MIA2: variants seen among roughly 807,000 people sequenced by gnomAD.
MIA2 encodes the protein melanoma inhibitory activity protein 2.
MIA2 carries 127 observed loss-of-function variants against 167.8 expected under a neutral mutation model. The observed-to-expected ratio is 0.76, with a 90% CI of 0.66 to 0.88. The LOEUF (loss-of-function observed/expected upper bound fraction) is 0.88. Among genes scored for constraint, MIA2 ranks in the 40% least tolerant of loss-of-function variants. The pLI is 0.00. For missense variants in MIA2, 1,690 were observed against 1,624.7 expected (o/e 1.04, Z -0.69); for synonymous variants, 552 against 541.9 (o/e 1.02, Z -0.26).
chr14:39,379,771 A>G (rs2075116646), intron 23 of MIA2, among the ~76,000 whole-genome samples: 1 of 152,170 alleles, frequency 6.6e-6, no homozygotes, highest in South Asian at 2.1e-4. Flanking sequence ...GAATTGCTTG[A>G]TCCTGGGAGG....
In MIA2 at chr14:39,367,407, G is replaced by A. The variant is rs116575224; in HGVS notation, c.2248+18430G>A. On this transcript the variant is annotated intron_variant, in intron 23 of 23. Coordinates refer to the MIA2 transcript ENST00000341502. ...AAATGGTGCTGTGCTGCACAGCTTG[G>A]ATTTCAGGGACTGTGTGTGGTACTC... 9.0e-3 allele frequency among the ~76,000 whole-genome samples: 1,367 copies of A among 152,334 alleles called. 13 individuals carry two copies. Among genetic ancestry groups the A allele is most frequent in the African/African-American group, 0.03 (1,257 of 41,564 alleles).
intron 7 of MIA2, among the ~76,000 whole-genome samples, chr14:39,277,866 A>G (rs2058403965): frequency 7.1e-6 from 1 of 141,448 alleles, no homozygotes; most frequent in South Asian, 2.2e-4. Flanking sequence ...GTGCGCCTAC[A>G]GCCTACAGCC....
intron 23 of MIA2, among the ~76,000 whole-genome samples, chr14:39,366,266 C>T (rs967708591): frequency 1.2e-4 from 19 of 152,030 alleles, no homozygotes; most frequent in African/African-American, 2.4e-4. Flanking sequence ...TGTCCATACA[C>T]GGGTACAGGT....
intron 2 of MIA2, among the ~76,000 whole-genome samples, chr14:39,238,798 A>AAAAAAAAAAAAAAC (rs2053896909): frequency 6.9e-6 from 1 of 144,676 alleles, no homozygotes; most frequent in Non-Finnish European, 1.5e-5. Flanking sequence ...TGTCTCAAAA[A>AAAAAAAAAAAAAAC]AAAAAAAAAA....
At chr14:39,286,532 A>C (rs1282478566) in intron 9 of MIA2, among the ~76,000 whole-genome samples, 3 of 152,012 alleles carry the variant, frequency 2.0e-5, no homozygotes, top group South Asian at 2.1e-4. Flanking sequence ...TTTTGTTTTG[A>C]TATTATATCC....
intron 4 of MIA2, among the ~76,000 whole-genome samples, chr14:39,250,709 CATATAT>C (rs72114250): frequency 0.34 from 49,048 of 143,474 alleles, 8,747 homozygotes; most frequent in African/African-American, 0.46. Context: ...AAAAAATATG[CATATAT>C]ATATATATAT....
At chr14:39,340,793 C>T (rs2071637776) in intron 25 of MIA2, among the ~76,000 whole-genome samples, 1 of 152,020 alleles carries the variant, frequency 6.6e-6, no homozygotes. Context: ...TATAATGATC[C>T]TTTATAAATT....
chr14:39,359,353 G>C (rs1171627935), intron 23 of MIA2, among the ~76,000 whole-genome samples: 1 of 152,222 alleles, frequency 6.6e-6, no homozygotes. Context: ...CTTTGAGCCA[G>C]GCGTGGGATA....
exon 24 of MIA2, chr14:39,387,868 T>C (rs904162318): frequency 6.6e-6 from 1 of 152,186 alleles, no homozygotes; most frequent in Non-Finnish European, 1.5e-5. Context: ...AGGAAAAAGA[T>C]TATGACTCGC....
intron 4 of MIA2, 49 bp from the exon 5 acceptor site, chr14:39,252,699 A>C (rs1295358065): frequency 8.9e-6 from 13 of 1,462,758 alleles, no homozygotes; most frequent in South Asian, 1.2e-5. Context: ...GGGAGCCCTC[A>C]ACAAAGCAAG....
chr14:39,299,182 A>G (rs1008749953), intron 13 of MIA2, among the ~76,000 whole-genome samples: 1 of 151,088 alleles, frequency 6.6e-6, no homozygotes, highest in African/African-American at 2.4e-5. Context: ...TATGTAGTCA[A>G]GTCTACCTTT....
rs554948440 is a variant in MIA2, at chr14:39,331,506, A to G, written c.3655+4484A>G. ...AATTTGATCCTGTTATTATGATGCT[A>G]GCTGGTTATTTTGCCCATTAGTTGA... On this transcript the variant is annotated intron_variant, in intron 25 of 28. Coordinates refer to ENST00000640607, the MANE Select transcript of MIA2 (RefSeq NM_001329214.4). Among the ~76,000 whole-genome samples the G allele has an allele frequency of 2.6e-5, 4 of 152,246 alleles. No individual in the cohort carries two copies. In the East Asian group the frequency reaches 7.7e-4, roughly 29 times the overall value.
At chr14:39,315,375 A>G (rs763107697) in intron 20 of MIA2, 2 of 235,094 alleles carry the variant, frequency 8.5e-6, no homozygotes, top group African/African-American at 2.3e-5. Flanking sequence ...ATTGCATCAC[A>G]TAAATGTGTA....
At chr14:39,335,642 T>C (rs1345748269) in intron 25 of MIA2, among the ~76,000 whole-genome samples, 2 of 152,196 alleles carry the variant, frequency 1.3e-5, no homozygotes, top group Non-Finnish European at 2.9e-5. Flanking sequence ...ACAGGGTACA[T>C]GTGCAGGTTT....
chr14:39,272,731 C>G (rs997017383), intron 6 of MIA2, among the ~76,000 whole-genome samples: 6 of 152,202 alleles, frequency 3.9e-5, no homozygotes, highest in African/African-American at 1.4e-4. Flanking sequence ...CCACTGCACT[C>G]CAGCCTGGGT....
intron 14 of MIA2, among the ~76,000 whole-genome samples, chr14:39,300,323 G>A (rs2062184385): frequency 6.6e-6 from 1 of 152,084 alleles, no homozygotes; most frequent in African/African-American, 2.4e-5. Context: ...GAAATTGGAT[G>A]TATAGTTATA....
At chr14:39,321,227 G>A (rs143151341) in intron 24 of MIA2, among the ~76,000 whole-genome samples, 171 bp downstream of exon 24, 1 of 152,280 alleles carries the variant, frequency 6.6e-6, no homozygotes, top group African/African-American at 2.4e-5. Context: ...TAATTTTGAT[G>A]TATTTTTCTC....
intron 23 of MIA2, among the ~76,000 whole-genome samples, chr14:39,363,254 G>T (rs2074733111): frequency 6.6e-6 from 1 of 152,216 alleles, no homozygotes; most frequent in South Asian, 2.1e-4. Context: ...TTCTGGCCAG[G>T]TGCTGTGGCT....
chr14:39,326,166 G>C (rs2067505385), intron 24 of MIA2, among the ~76,000 whole-genome samples: 1 of 152,176 alleles, frequency 6.6e-6, no homozygotes, highest in Admixed American at 6.5e-5. Flanking sequence ...CAGTGCTGTT[G>C]TTTTTGAAAC....
Sources: gnomAD v4.1 joint callset for allele counts (sites outside exome capture counted in the v4.1 genomes callset) on GRCh38, gnomAD v4.1.1 for gene constraint, MANE v1.5 for transcripts, NCBI Gene and HGNC (gene_info 2026-07-23, HGNC 2026-07-21) for gene names.